Variants in SULF2 observed in about 807,000 individuals in gnomAD.
SULF2 encodes extracellular sulfatase Sulf-2.
Under a neutral mutation model 107.7 loss-of-function variants are expected in SULF2, and 52 were observed. The observed-to-expected ratio is 0.48, with a 90% CI of 0.39 to 0.61. The LOEUF is 0.61. Ranked by LOEUF, SULF2 falls within the 20% of genes least tolerant of loss-of-function variation. The pLI is 0.00. For synonymous variants in SULF2, 460 were observed against 464.3 expected, an observed-to-expected ratio of 0.99 and a Z score of 0.12; for missense variants, 993 against 1,177.3, an observed-to-expected ratio of 0.84 and a Z score of 2.29.
chr20:47,773,425 G>C (rs894740856), intron 1 of SULF2, among the ~76,000 whole-genome samples: 1 of 152,240 alleles, frequency 6.6e-6, no homozygotes, highest in African/African-American at 2.4e-5. Context: ...TTCTATGAAC[G>C]GAGGAAGTAA....
At chr20:47,724,878 G>A (rs2089396435) in intron 3 of SULF2, among the ~76,000 whole-genome samples, 2 of 152,154 alleles carry the variant, frequency 1.3e-5, no homozygotes, top group Admixed American at 6.5e-5. Context: ...CAAATATTTT[G>A]TAGAGCGCCC....
intron 5 of SULF2, 52 bp from the exon 6 acceptor site, chr20:47,684,633 T>G (rs1246040164): frequency 6.3e-7 from 1 of 1,582,976 alleles, no homozygotes; most frequent in South Asian, 1.1e-5. Flanking sequence ...GCCTGGACCC[T>G]GCCTGGCCCC....
chr20:47,705,800 TTTTC>T lies in SULF2; in HGVS notation c.416-3134_416-3131del, dbSNP rs543878890. 8.2e-3 allele frequency among the ~76,000 whole-genome samples: 860 copies of T among 105,456 alleles called. 9 individuals are homozygous for T. Among genetic ancestry groups the T allele is most frequent in the African/African-American group, 0.021 (713 of 34,748 alleles). The allele number at this position is 105,456 out of a possible 152,430, so 69.2% of individuals were successfully genotyped here. A position where few individuals can be genotyped will look rare whatever the true frequency, so the allele number is the denominator to read the frequency against. On this transcript the variant is annotated intron_variant, in intron 3 of 20. Coordinates refer to ENST00000688720, the MANE Select transcript of SULF2 (RefSeq NM_001387048.1). The stretch of plus-strand genomic sequence containing the variant: ...CTAATCCAAGAAACCTTTTCTTTTC[TTTTC>T]TTTTTTTTTTTTTTGAGAGAGGGTC...
chr20:47,665,320 TTGAAACC>T, intron 13 of SULF2, 27 bp from the exon 14 acceptor site: 1 of 1,446,972 alleles, frequency 6.9e-7, no homozygotes, highest in Non-Finnish European at 9.7e-7. Flanking sequence ...AGAGGAGGCC[TTGAAACC>T]TTCAAGGCTG....
At chr20:47,692,054 C>G (rs2088214413) in intron 4 of SULF2, among the ~76,000 whole-genome samples, 1 of 152,232 alleles carries the variant, frequency 6.6e-6, no homozygotes, top group Admixed American at 6.5e-5. Context: ...GCGTGAGCCA[C>G]AGCACCCATA....
At chr20:47,665,719 T>A in intron 13 of SULF2, 138 bp downstream of exon 13, 1 of 690,458 alleles carries the variant, frequency 1.4e-6, no homozygotes, top group Non-Finnish European at 2.5e-6. Context: ...ATCCCCGCGT[T>A]GAGGAATCTG....
At chr20:47,768,529 C>T (rs77108247) in intron 1 of SULF2, among the ~76,000 whole-genome samples, 3,097 of 152,352 alleles carry the variant, frequency 0.02, 122 homozygotes, top group African/African-American at 0.071. Context: ...CTGGCCACCT[C>T]GTGCCTGTGT....
chr20:47,723,058 C>T (rs1484903307), intron 3 of SULF2, among the ~76,000 whole-genome samples: 2 of 151,422 alleles, frequency 1.3e-5, no homozygotes, highest in Non-Finnish European at 2.9e-5. Flanking sequence ...CAGAGCAAGA[C>T]TCCGTCTCAA....
chr20:47,757,044 G>A (rs970746456), intron 2 of SULF2, 145 bp downstream of exon 2: 11 of 694,954 alleles, frequency 1.6e-5, no homozygotes, highest in African/African-American at 5.4e-5. Context: ...CCCCAAACAC[G>A]TGTGGGTGGC....
At chr20:47,725,397 TA>T (rs2089412493) in intron 3 of SULF2, among the ~76,000 whole-genome samples, 1 of 152,290 alleles carries the variant, frequency 6.6e-6, no homozygotes, top group African/African-American at 2.4e-5. Flanking sequence ...ACTCAGAAGC[TA>T]TGTGGAATAC....
At chr20:47,721,111 CAAGGTT>C (rs2089284307) in intron 3 of SULF2, among the ~76,000 whole-genome samples, 1 of 150,548 alleles carries the variant, frequency 6.6e-6, no homozygotes, top group South Asian at 2.1e-4. Flanking sequence ...TGCTGCTTTG[CAAGGTT>C]ACAGCCTGAG....
At chr20:47,753,114 A>G (rs1337543309) in intron 2 of SULF2, among the ~76,000 whole-genome samples, 1 of 150,236 alleles carries the variant, frequency 6.7e-6, no homozygotes, top group African/African-American at 2.5e-5. Flanking sequence ...AAAAAAAAAA[A>G]AAAAAGAAAG....
intron 2 of SULF2, among the ~76,000 whole-genome samples, chr20:47,744,116 G>A (rs1436528156): frequency 4.6e-5 from 7 of 152,140 alleles, no homozygotes; most frequent in Admixed American, 1.3e-4. Context: ...TGGGGTACAC[G>A]GTGGGTGGGG....
At chr20:47,761,023 T>C (rs1015087948) in intron 1 of SULF2, among the ~76,000 whole-genome samples, 27 of 152,316 alleles carry the variant, frequency 1.8e-4, no homozygotes, top group African/African-American at 6.5e-4. Flanking sequence ...ATCTGTGAAA[T>C]GGGTGTGCAG....
At chr20:47,688,029 G>A (rs555877951) in intron 5 of SULF2, among the ~76,000 whole-genome samples, 3 of 152,224 alleles carry the variant, frequency 2.0e-5, no homozygotes, top group South Asian at 4.1e-4. Flanking sequence ...GTGTGTGGGG[G>A]GGTGCATGGG....
At position 47,680,032 on chromosome 20, in the gene SULF2, T is replaced by C. The variant is rs948527500; in HGVS notation, c.1065-1228A>G. ...GTCACTTCTGTATCTCCAGGACTTA[T>C]ACCCTTAGAACACAGAGGAGCTACT... On this transcript the variant is annotated intron_variant, in intron 7 of 20. Coordinates refer to ENST00000688720, the MANE Select transcript of SULF2 (RefSeq NM_001387048.1). This position sits in a 1 kb window ranked among gnomAD's most constrained non-coding sequence, Gnocchi z 4.2. 5.3e-5 allele frequency among the ~76,000 whole-genome samples: 8 copies of C among 152,340 alleles called. No individual in the cohort carries two copies. Among genetic ancestry groups the C allele is most frequent in the South Asian group, 2.1e-4 (1 of 4,822 alleles).
At chr20:47,686,387 G>A (rs1190240401) in intron 5 of SULF2, 1 of 152,278 alleles carries the variant, frequency 6.6e-6, no homozygotes, top group Non-Finnish European at 1.5e-5. Context: ...GCAGCATGGG[G>A]GAGTCTCCTG....
chr20:47,754,235 T>C (rs73910756), intron 2 of SULF2, among the ~76,000 whole-genome samples: 18,966 of 152,236 alleles, frequency 0.12, 2,027 homozygotes, highest in African/African-American at 0.29. Flanking sequence ...TTCTCTGTCC[T>C]GGGACTGGAA....
intron 1 of SULF2, among the ~76,000 whole-genome samples, chr20:47,782,813 C>T (rs149015204): frequency 1.3e-5 from 2 of 152,288 alleles, no homozygotes; most frequent in African/African-American, 4.8e-5. Flanking sequence ...AATACAAACC[C>T]GGACTCTCTG....
Sources: gnomAD v4.1 joint callset for allele counts (sites outside exome capture counted in the v4.1 genomes callset) on GRCh38, gnomAD v4.1.1 for gene constraint, Gnocchi (gnomAD v3.1) non-coding constraint, MANE v1.5 for transcripts, NCBI Gene and HGNC (gene_info 2026-07-23, HGNC 2026-07-21) for gene names.